Variants in NR5A2 observed in about 807,000 individuals in gnomAD.
NR5A2 encodes the protein CYP7A promoter-binding factor.
A neutral mutation model predicts 62.7 loss-of-function variants in NR5A2; 26 were observed. The ratio of observed to expected loss-of-function variants is 0.41; its 90% CI spans 0.30 to 0.58. NR5A2 has a LOEUF of 0.58. Among genes scored for constraint, NR5A2 ranks in the 20% least tolerant of loss-of-function variants. The pLI, the probability that NR5A2 is intolerant of heterozygous loss-of-function variation, is 0.22. For missense variants in NR5A2, 541 were observed against 669.1 expected, an observed-to-expected ratio of 0.81 and a Z score of 2.11; for synonymous variants, 246 against 241.7, an observed-to-expected ratio of 1.02 and a Z score of -0.16.
At chr1:200,093,645 G>T (rs1041546766) in intron 5 of NR5A2, among the ~76,000 whole-genome samples, 1 of 152,108 alleles carries the variant, frequency 6.6e-6, no homozygotes, top group Non-Finnish European at 1.5e-5. Context: ...AAGTGTTTCC[G>T]GTTCATCCTT....
intron 5 of NR5A2, among the ~76,000 whole-genome samples, chr1:200,092,659 TG>T (rs1334208686): frequency 3.3e-5 from 5 of 152,020 alleles, no homozygotes; most frequent in Non-Finnish European, 5.9e-5. Context: ...GTGGCCCTTT[TG>T]GTTTCTGGTG....
intron 5 of NR5A2, among the ~76,000 whole-genome samples, chr1:200,053,472 T>C (rs79752099): frequency 0.019 from 2,891 of 152,106 alleles, 95 homozygotes; most frequent in African/African-American, 0.067. Flanking sequence ...TGCCCAAGAT[T>C]ATCCAGCTAC....
At chr1:200,073,549 T>C (rs1663853270) in intron 5 of NR5A2, among the ~76,000 whole-genome samples, 2 of 151,992 alleles carry the variant, frequency 1.3e-5, no homozygotes, top group African/African-American at 4.8e-5. Context: ...TACACTGTAT[T>C]GTTTAGGGAA....
At position 200,172,889 on chromosome 1, in the gene NR5A2, A is replaced by C. The variant is rs1254299124; in HGVS notation, c.1379-1074A>C. On this transcript the variant is annotated intron_variant, in intron 7 of 7. Coordinates refer to ENST00000367362, the MANE Select transcript of NR5A2 (RefSeq NM_205860.3). ...TTTATTTTTGTCCAATTAGAAAATA[A>C]AGCAGGGCAGGGTGGCTGCATCTGT... Among the ~76,000 whole-genome samples the C allele has an allele frequency of 2.0e-5, 3 of 152,230 alleles. No individual in the cohort carries two copies. In the South Asian group the frequency reaches 6.2e-4, roughly 31 times the overall value.
At chr1:200,077,406 G>A (rs2816924) in intron 5 of NR5A2, among the ~76,000 whole-genome samples, 11,635 of 152,058 alleles carry the variant, frequency 0.077, 608 homozygotes, top group Non-Finnish European at 0.12. Context: ...AATTAATTGC[G>A]GTTTTTGCCA....
chr1:200,110,831 T>C (rs2821327), intron 5 of NR5A2, among the ~76,000 whole-genome samples: 1 of 152,162 alleles, frequency 6.6e-6, no homozygotes, highest in Admixed American at 6.5e-5. Context: ...TACATAAGCA[T>C]AGGCAATCTG....
chr1:200,052,694 T>C (rs892771544), intron 5 of NR5A2, among the ~76,000 whole-genome samples: 4 of 151,898 alleles, frequency 2.6e-5, no homozygotes, highest in African/African-American at 9.7e-5. Flanking sequence ...CAGGTTGGAG[T>C]GCAGTGGTGC....
chr1:200,130,268 G>A (rs1465076318), intron 7 of NR5A2, among the ~76,000 whole-genome samples: 1 of 128,164 alleles, frequency 7.8e-6, no homozygotes, highest in Non-Finnish European at 1.7e-5. Flanking sequence ...CTGCTTGCAG[G>A]AACTAACTAG....
chr1:200,097,755 G>T (rs528587283), intron 5 of NR5A2, among the ~76,000 whole-genome samples: 9 of 152,314 alleles, frequency 5.9e-5, no homozygotes, highest in Non-Finnish European at 1.2e-4. Flanking sequence ...TAGGAAGGGA[G>T]TGTGTAGGCG....
At chr1:200,091,322 G>A (rs1227384486) in intron 5 of NR5A2, among the ~76,000 whole-genome samples, 1 of 151,980 alleles carries the variant, frequency 6.6e-6, no homozygotes. Flanking sequence ...AGGGGAGTGG[G>A]GAGGGTCAAT....
At position 200,039,571 on chromosome 1, in the gene NR5A2, G is replaced by T. The variant is rs1410855474; in HGVS notation, c.65-87G>T. The T allele has an allele frequency of 2.3e-5, 36 of 1,581,142 alleles. No individual in the cohort carries two copies. The highest frequency in any genetic ancestry group is 3.0e-5 in the Non-Finnish European group (35 of 1,161,276). On this transcript the variant is annotated intron_variant, in intron 1 of 7. Coordinates refer to ENST00000367362, the MANE Select transcript of NR5A2 (RefSeq NM_205860.3). The surrounding 1 kb of genome is among the most constrained non-coding windows in gnomAD (Gnocchi z 5.1). ...CCCCGAGGAGGCGGAGGCACGCTCC[G>T]GCGAGGCGAGAGGGTTGGGTTAGCA...
At chr1:200,078,541 AC>A (rs1159636542) in intron 5 of NR5A2, among the ~76,000 whole-genome samples, 1 of 152,262 alleles carries the variant, frequency 6.6e-6, no homozygotes, top group Non-Finnish European at 1.5e-5. Context: ...ACTTTAAGTA[AC>A]AAATACAAAC....
intron 7 of NR5A2, among the ~76,000 whole-genome samples, chr1:200,138,401 A>G (rs897513696): frequency 6.6e-6 from 1 of 152,192 alleles, no homozygotes; most frequent in Non-Finnish European, 1.5e-5. Flanking sequence ...AGTGATATTG[A>G]ACATCTTTCT....
chr1:200,029,498 C>T (rs1661473465), intron 1 of NR5A2: 1 of 153,214 alleles, frequency 6.5e-6, no homozygotes, highest in Non-Finnish European at 1.5e-5. Context: ...GCGGTACACT[C>T]TGAGCGTAAA....
At chr1:200,045,723 T>C (rs919802258) in intron 4 of NR5A2, 139 bp downstream of exon 4, 10 of 624,410 alleles carry the variant, frequency 1.6e-5, no homozygotes, top group Non-Finnish European at 2.0e-5. Flanking sequence ...TCTTTCTATG[T>C]TTCATCTGCA....
intron 7 of NR5A2, among the ~76,000 whole-genome samples, chr1:200,124,909 TA>T (rs1462239475): frequency 6.6e-6 from 1 of 152,012 alleles, no homozygotes; most frequent in African/African-American, 2.4e-5. Context: ...CTTAGAAAAT[TA>T]AAAAATAAAA....
intron 5 of NR5A2, chr1:200,058,497 T>C (rs1663029710): frequency 6.6e-6 from 1 of 152,020 alleles, no homozygotes; most frequent in Admixed American, 6.5e-5. Flanking sequence ...TTTTTTGTTT[T>C]TGAGACAGAG....
intron 7 of NR5A2, among the ~76,000 whole-genome samples, chr1:200,139,569 T>A (rs910176573): frequency 6.6e-6 from 1 of 152,254 alleles, no homozygotes; most frequent in African/African-American, 2.4e-5. Flanking sequence ...TCTTTGCCTT[T>A]TATTTCAACA....
chr1:200,133,612 C>T (rs71524442), intron 7 of NR5A2, among the ~76,000 whole-genome samples: 43 of 30,654 alleles, frequency 1.4e-3, no homozygotes, highest in East Asian at 7.2e-3. Flanking sequence ...CACATATATA[C>T]ACACACACAC....
Sources: gnomAD v4.1 joint callset for allele counts (sites outside exome capture counted in the v4.1 genomes callset) on GRCh38, gnomAD v4.1.1 for gene constraint, Gnocchi (gnomAD v3.1) non-coding constraint, MANE v1.5 for transcripts, NCBI Gene and HGNC (gene_info 2026-07-23, HGNC 2026-07-21) for gene names.